RGS10: variants seen among roughly 807,000 people sequenced by gnomAD.
RGS10 encodes regulator of G-protein signalling 10.
In RGS10, 11 loss-of-function variants were observed where a neutral mutation model predicts 23.5. The ratio of observed to expected loss-of-function variants is 0.47; its 90% CI spans 0.29 to 0.77. The LOEUF is 0.77. Ranked by LOEUF, RGS10 falls within the 30% of genes least tolerant of loss-of-function variation. The pLI, the probability that RGS10 is intolerant of heterozygous loss-of-function variation, is 0.08. For missense variants in RGS10, 180 were observed against 226.3 expected (o/e 0.80, Z 1.31); for synonymous variants, 77 against 83.2 (o/e 0.92, Z 0.41).
intron 1 of RGS10, among the ~76,000 whole-genome samples, chr10:119,535,867 A>G (rs1226908241): frequency 1.3e-5 from 2 of 152,168 alleles, no homozygotes; most frequent in African/African-American, 4.8e-5. Flanking sequence ...CCTTTAAAAT[A>G]CTCTACTTTG....
intron 4 of RGS10, among the ~76,000 whole-genome samples, chr10:119,501,086 T>A (rs563908997): frequency 1.2e-4 from 19 of 152,238 alleles, no homozygotes; most frequent in African/African-American, 4.3e-4. Context: ...CCAGCATTCA[T>A]TCTCCCCCAC....
chr10:119,523,539 C>T (rs556105756), intron 3 of RGS10, among the ~76,000 whole-genome samples: 60 of 152,288 alleles, frequency 3.9e-4, no homozygotes, highest in Non-Finnish European at 7.5e-4. Context: ...GTAGCACACA[C>T]TTGTAATCCC....
chr10:119,525,017 C>T (rs1031590527), intron 3 of RGS10, among the ~76,000 whole-genome samples: 2 of 151,194 alleles, frequency 1.3e-5, no homozygotes, highest in Non-Finnish European at 2.9e-5. Flanking sequence ...ACTGGCAACG[C>T]GCAAGCCGCA....
chr10:119,539,225 C>G (rs1589844456), intron 1 of RGS10, among the ~76,000 whole-genome samples: 1 of 152,210 alleles, frequency 6.6e-6, no homozygotes, highest in Non-Finnish European at 1.5e-5. Context: ...TCCCAGCTGC[C>G]AAGGCTACCC....
At chr10:119,516,466 C>G (rs1171102588) in intron 3 of RGS10, 1 of 152,222 alleles carries the variant, frequency 6.6e-6, no homozygotes, top group Admixed American at 6.5e-5. Flanking sequence ...CTTCCGGGAG[C>G]CTTAGGACTG....
At position 119,535,271 on chromosome 10, in the gene RGS10, G is replaced by GAA. The variant is rs34636046; in HGVS notation, c.49+7317_49+7318dup. Among the ~76,000 whole-genome samples, 345 of 122,336 alleles carry GAA rather than the reference G, an allele frequency of 2.8e-3. 1 individual carries two copies. The highest frequency in any genetic ancestry group is 8.3e-3 in the Middle Eastern group (2 of 240). The allele number at this position is 122,336 out of a possible 152,430, so 80.3% of individuals were successfully genotyped here. ...AACTGTTAAGAGTCCAATCCATGCA[G>GAA]AAAAAAAAAAAAAAAAAGTCACATA... On this transcript the variant is annotated intron_variant, in intron 1 of 4. Coordinates refer to ENST00000369103, the MANE Select transcript of RGS10 (RefSeq NM_001005339.2).
intron 1 of RGS10, among the ~76,000 whole-genome samples, chr10:119,534,296 TA>T (rs1564716275): frequency 1.0e-5 from 1 of 97,046 alleles, no homozygotes; most frequent in Non-Finnish European, 2.7e-5. Flanking sequence ...AATAAATAAA[TA>T]AATAAATAAA....
At chr10:119,516,574 C>T (rs1461363777) in intron 3 of RGS10, 3 of 152,210 alleles carry the variant, frequency 2.0e-5, no homozygotes, top group African/African-American at 4.8e-5. Flanking sequence ...AGGCAGGGTG[C>T]ATTTCCTTTT....
intron 3 of RGS10, among the ~76,000 whole-genome samples, chr10:119,523,685 A>G (rs1027093838): frequency 1.3e-5 from 2 of 152,176 alleles, no homozygotes; most frequent in African/African-American, 2.4e-5. Flanking sequence ...AAGAAGTCCT[A>G]TGCTGGATGT....
At chr10:119,521,705 C>T (rs1844220380) in intron 3 of RGS10, among the ~76,000 whole-genome samples, 1 of 114,970 alleles carries the variant, frequency 8.7e-6, no homozygotes. Context: ...TATACTATCC[C>T]AGAGAGGGAA....
chr10:119,542,685 C>T lies in RGS10; in HGVS notation c.-47G>A. On this transcript the variant is annotated 5_prime_UTR_variant, in exon 1 of 5. Transcript: ENST00000369103. ...AAGAAGGAGCAGCCCGGCGGCGCGG[C>T]GGCTGAGCCGGAGGAAGGCGAGGAG... 1.5e-6 allele frequency: 2 copies of T among 1,324,060 alleles called. No homozygotes were observed. The highest frequency in any genetic ancestry group is 1.9e-5 in the South Asian group (1 of 52,542). 82.0% of individuals were successfully genotyped at this position (1,324,060 alleles called of 1,614,324 possible). A position where few individuals can be genotyped will look rare whatever the true frequency, so the allele number is the denominator to read the frequency against.
intron 1 of RGS10, among the ~76,000 whole-genome samples, chr10:119,528,265 A>C (rs940303648): frequency 1.3e-5 from 2 of 152,136 alleles, no homozygotes; most frequent in Non-Finnish European, 2.9e-5. Flanking sequence ...TCTTGACCTC[A>C]GGTGATCCAC....
At chr10:119,502,994 C>T (rs1048121312) in intron 4 of RGS10, among the ~76,000 whole-genome samples, 5 of 152,098 alleles carry the variant, frequency 3.3e-5, no homozygotes, top group African/African-American at 7.2e-5. Context: ...TGACTGCCAC[C>T]GGCCAACGAC....
intron 3 of RGS10, among the ~76,000 whole-genome samples, chr10:119,523,454 CAGA>C (rs1844241011): frequency 1.3e-5 from 2 of 152,306 alleles, no homozygotes; most frequent in East Asian, 3.9e-4. Context: ...CACTTGAGGT[CAGA>C]AGTTCTAGAC....
chr10:119,540,984 G>A (rs1844430182), intron 1 of RGS10, among the ~76,000 whole-genome samples: 1 of 152,174 alleles, frequency 6.6e-6, no homozygotes, highest in Non-Finnish European at 1.5e-5. Flanking sequence ...TAGCTTTGTT[G>A]ATTTTCATGA....
intron 4 of RGS10, among the ~76,000 whole-genome samples, chr10:119,500,503 C>T (rs1414794602): frequency 2.0e-5 from 3 of 151,684 alleles, no homozygotes; most frequent in Non-Finnish European, 4.4e-5. Context: ...CTTTATTTTC[C>T]ACGGAAATAT....
chr10:119,504,471 C>T (rs1054243914), intron 4 of RGS10, among the ~76,000 whole-genome samples: 2 of 152,178 alleles, frequency 1.3e-5, no homozygotes, highest in East Asian at 1.9e-4. Flanking sequence ...CCACCACGCC[C>T]GGCTCCAAAT....
At chr10:119,523,226 G>T (rs189680507) in intron 3 of RGS10, among the ~76,000 whole-genome samples, 1 of 152,236 alleles carries the variant, frequency 6.6e-6, no homozygotes, top group African/African-American at 2.4e-5. Context: ...TCACACTGGG[G>T]CCCAAACACT....
intron 1 of RGS10, among the ~76,000 whole-genome samples, chr10:119,534,876 A>C (rs1295762270): frequency 6.6e-6 from 1 of 152,040 alleles, no homozygotes; most frequent in Non-Finnish European, 1.5e-5. Flanking sequence ...GTGACAGAGC[A>C]AGACTCTGTC....
Sources: allele counts gnomAD v4.1 joint callset (sites outside exome capture counted in the v4.1 genomes callset), GRCh38; gene constraint gnomAD v4.1.1; transcripts MANE v1.5; gene names NCBI Gene and HGNC (gene_info 2026-07-23, HGNC 2026-07-21).